ITGA2: variants seen among roughly 807,000 people sequenced by gnomAD.
ITGA2 encodes the protein integrin subunit alpha 2.
In ITGA2, 101 loss-of-function variants were observed where a neutral mutation model predicts 146.3. The ratio of observed to expected loss-of-function variants is 0.69; its 90% CI spans 0.59 to 0.81. The LOEUF is 0.81. Ranked by LOEUF, ITGA2 falls within the 40% of genes least tolerant of loss-of-function variation. ITGA2 has a pLI of 0.00. For synonymous variants in ITGA2, 477 were observed against 487.1 expected (o/e 0.98, Z 0.27); for missense variants, 1,281 against 1,402.7 (o/e 0.91, Z 1.39).
intron 7 of ITGA2, among the ~76,000 whole-genome samples, chr5:53,052,486 CCTT>C (rs1744419323): frequency 6.6e-6 from 1 of 152,104 alleles, no homozygotes; most frequent in Admixed American, 6.6e-5. Flanking sequence ...AACAAGCTTG[CCTT>C]CCCTTAAACC....
chr5:53,011,296 T>G (rs1742112488), intron 1 of ITGA2, among the ~76,000 whole-genome samples: 1 of 152,204 alleles, frequency 6.6e-6, no homozygotes, highest in East Asian at 1.9e-4. Flanking sequence ...GGTTGAATTT[T>G]CTTCCTTAAC....
In ITGA2 at chr5:53,071,958, C is replaced by T; in HGVS notation, c.2256C>T (p.Asn752=). ...TTTAGGAGCCCTCTGATGTTGTCAA[C>T]TCTTTGGATTTGCGTGTGGACATCA... ...IYIQEPSDVV[N]SLDLRVDISL... The change falls in exon 18 of 30, where the codon AAC becomes AAT. Residue 752 remains asparagine, a synonymous_variant. Transcript: ENST00000296585. The T allele has an allele frequency of 6.2e-7, 1 of 1,612,254 alleles. No homozygotes were observed. Among genetic ancestry groups the T allele is most frequent in the Non-Finnish European group, 8.5e-7 (1 of 1,178,818 alleles).
intron 2 of ITGA2, among the ~76,000 whole-genome samples, chr5:53,037,226 A>G (rs1743531823): frequency 6.6e-6 from 1 of 152,246 alleles, no homozygotes; most frequent in South Asian, 2.1e-4. Context: ...ATTTTCCCAC[A>G]AGATAATTGA....
chr5:52,993,602 C>T (rs924462712), intron 1 of ITGA2, among the ~76,000 whole-genome samples: 13 of 152,080 alleles, frequency 8.5e-5, no homozygotes, highest in Admixed American at 8.5e-4. Flanking sequence ...ATGACTACTC[C>T]CTGTCTTCAT....
Position 53,090,785 on chromosome 5 carries a change from G to T in ITGA2, c.*186G>T. ...AATTGTGGGGGGTGGGGGAGGTGCG[G>T]GGGGCAGGTAGGGAAATAATAGGGA... On this transcript the variant is annotated 3_prime_UTR_variant, in exon 30 of 30. Coordinates refer to ENST00000296585, the MANE Select transcript of ITGA2 (RefSeq NM_002203.4). 3.6e-6 allele frequency: 2 copies of T among 552,840 alleles called. No homozygotes were observed. The highest frequency in any genetic ancestry group is 4.5e-5 in the South Asian group (2 of 44,168). The allele number at this position is 552,840 out of a possible 1,614,324, so 34.2% of individuals were successfully genotyped here.
intron 1 of ITGA2, among the ~76,000 whole-genome samples, chr5:53,022,273 A>G (rs563800262): frequency 1.3e-5 from 2 of 151,888 alleles, no homozygotes; most frequent in Admixed American, 1.3e-4. Flanking sequence ...GCACAATCAC[A>G]GTTCACTGCA....
rs1405972630 is a variant in ITGA2, at chr5:53,094,340, A to C, written c.*3741A>C. On this transcript the variant is annotated 3_prime_UTR_variant, in exon 30 of 30. Transcript: ENST00000296585. ...TATTTCTTTGAACTCTAAAGACTGAAACTGTAGCCATTATGTAAATAAAGT... is the reference window on the plus strand; with the variant it reads ...TATTTCTTTGAACTCTAAAGACTGACACTGTAGCCATTATGTAAATAAAGT... 2 of 151,830 alleles carry C rather than the reference A, an allele frequency of 1.3e-5. No individual in the cohort carries two copies. The highest frequency in any genetic ancestry group is 2.9e-5 in the Non-Finnish European group (2 of 67,858). 9.4% of individuals were successfully genotyped at this position (151,830 alleles called of 1,614,324 possible).
In ITGA2 at chr5:53,087,026, A is replaced by C; in HGVS notation, c.3333A>C (p.Glu1111Asp). Residue 1111 changes from glutamate (E) to aspartate (D), a missense_variant, in exon 28 of 30, where the codon GAA becomes GAC. By Grantham distance (45) the Glu-to-Asp change is conservative. Transcript: ENST00000296585. ...ATAACCCTGAGATATATGTGATTGA[A>C]GATAACACTGTTACGGTGAGCATAT... ...NTYNPEIYVI[E>D]DNTVTIPLMI... 6.2e-7 allele frequency: 1 copy of C among 1,612,452 alleles called. No individual in the cohort carries two copies. Among genetic ancestry groups the C allele is most frequent in the Admixed American group, 1.7e-5 (1 of 60,006 alleles).
intron 2 of ITGA2, among the ~76,000 whole-genome samples, chr5:53,041,257 G>A (rs1020821043): frequency 2.6e-5 from 4 of 152,202 alleles, no homozygotes; most frequent in Admixed American, 1.3e-4. Context: ...TCAGGTGAGT[G>A]CTTCTGCAAG....
At chr5:53,053,661 C>A (rs1744496273) in intron 7 of ITGA2, among the ~76,000 whole-genome samples, 1 of 152,058 alleles carries the variant, frequency 6.6e-6, no homozygotes, top group South Asian at 2.1e-4. Context: ...TGTCTATCTC[C>A]CTCTTCCCAC....
At chr5:53,004,894 GTTTTTTTTTTTTTTTTTTTTTTTT>G (rs548541753) in intron 1 of ITGA2, among the ~76,000 whole-genome samples, 6 of 55,924 alleles carry the variant, frequency 1.1e-4, no homozygotes, top group African/African-American at 4.6e-4. Context: ...TAGTTGCTTT[GTTTTTTTTTTTTTTTTTTTTTTTT>G]TTTTTTTTTT....
rs140594482 is a variant in ITGA2, at chr5:53,092,928, TGAAACCCCATCTCTAATAATATA to T, written c.*2330_*2352del. ...TTTGAGACTAGCCTGGCCAACATGG[TGAAACCCCATCTCTAATAATATA>T]AAAATTAGCTGGGCGTAGTAGCAGG... On this transcript the variant is annotated 3_prime_UTR_variant, in exon 30 of 30. Coordinates refer to ENST00000296585, the MANE Select transcript of ITGA2 (RefSeq NM_002203.4). The T allele has an allele frequency of 0.11, 16,877 of 152,124 alleles. 1,140 individuals carry two copies. Among genetic ancestry groups the T allele is most frequent in the African/African-American group, 0.18 (7,629 of 41,448 alleles). The allele number at this position is 152,124 out of a possible 1,614,324, so 9.4% of individuals were successfully genotyped here.
chr5:53,021,318 A>G (rs55783963), intron 1 of ITGA2, among the ~76,000 whole-genome samples: 14,570 of 152,208 alleles, frequency 0.096, 787 homozygotes, highest in South Asian at 0.12. Flanking sequence ...GCTATTTAAT[A>G]TGTATAAAGT....
chr5:53,066,976 A>G lies in ITGA2; in HGVS notation c.1944-142A>G, dbSNP rs1024249185. 5.1e-6 allele frequency: 4 copies of G among 786,648 alleles called. No homozygotes were observed. The South Asian group carries it at 6.5e-5, about 13-fold the overall frequency. 48.7% of individuals were successfully genotyped at this position (786,648 alleles called of 1,614,324 possible). ...CTGTCTGCCATCTTAGAGCTTTCAA[A>G]TATATACTACTGCTAAAGTGCTTTG... On this transcript the variant is annotated intron_variant, in intron 15 of 29. Coordinates refer to ENST00000296585, the MANE Select transcript of ITGA2 (RefSeq NM_002203.4).
At chr5:53,051,632 G>C in intron 7 of ITGA2, 73 bp downstream of exon 7, 1 of 1,451,696 alleles carries the variant, frequency 6.9e-7, no homozygotes, top group South Asian at 1.2e-5. Flanking sequence ...ATATGAAAAA[G>C]TAAGGAAAAG....
At chr5:53,039,514 C>T (rs192467164) in intron 2 of ITGA2, among the ~76,000 whole-genome samples, 74 of 151,776 alleles carry the variant, frequency 4.9e-4, no homozygotes, top group African/African-American at 1.1e-3. Context: ...GAGGTGGAGG[C>T]GGGCGGATCA....
intron 1 of ITGA2, among the ~76,000 whole-genome samples, chr5:53,001,655 C>T (rs768150910): frequency 3.3e-5 from 5 of 151,958 alleles, no homozygotes; most frequent in Non-Finnish European, 5.9e-5. Flanking sequence ...GTCAATATAG[C>T]GAGACTCTGT....
At chr5:53,003,584 C>A (rs1741687478) in intron 1 of ITGA2, among the ~76,000 whole-genome samples, 1 of 152,118 alleles carries the variant, frequency 6.6e-6, no homozygotes, top group African/African-American at 2.4e-5. Context: ...CCAAAGGCAA[C>A]CATCCCAAAA....
chr5:53,029,278 CAA>C (rs1383108832), intron 2 of ITGA2, among the ~76,000 whole-genome samples: 1 of 151,996 alleles, frequency 6.6e-6, no homozygotes, highest in Non-Finnish European at 1.5e-5. Flanking sequence ...TCTCAAAAAA[CAA>C]ACAAAAAACA....
Sources: gnomAD v4.1 joint callset for allele counts (sites outside exome capture counted in the v4.1 genomes callset) on GRCh38, gnomAD v4.1.1 for gene constraint, MANE v1.5 for transcripts, NCBI Gene and HGNC (gene_info 2026-07-23, HGNC 2026-07-21) for gene names.